RGSL1: variants seen among roughly 807,000 people sequenced by gnomAD.
RGSL1 encodes regulator of G protein signaling protein-like.
RGSL1 carries 97 observed loss-of-function variants against 124.7 expected under a neutral mutation model. The ratio of observed to expected loss-of-function variants is 0.78; its 90% CI spans 0.66 to 0.92. The LOEUF (loss-of-function observed/expected upper bound fraction) is 0.92, where lower values mean the gene tolerates loss of function less well. Among genes scored for constraint, RGSL1 ranks in the 40% least tolerant of loss-of-function variants. RGSL1 has a pLI of 0.00. For missense variants in RGSL1, 1,233 were observed against 1,288.4 expected, an observed-to-expected ratio of 0.96 and a Z score of 0.66; for synonymous variants, 424 against 438.1, an observed-to-expected ratio of 0.97 and a Z score of 0.40.
In RGSL1 at chr1:182,543,857, C is replaced by T. The variant is rs566878656; in HGVS notation, c.2669+3436C>T. Among the ~76,000 whole-genome samples the T allele has an allele frequency of 4.6e-5, 7 of 152,044 alleles. No individual in the cohort carries two copies. The East Asian group carries it at 1.3e-3, about 29-fold the overall frequency. On this transcript the variant is annotated intron_variant, in intron 15 of 21. Transcript: ENST00000294854. ...ATCATAATCTCTGATGACTATGTCT[C>T]TTTTTTGTTTCTGATTTTATTTATT...
chr1:182,454,004 C>A lies in RGSL1; in HGVS notation c.60C>A (p.Val20=), dbSNP rs1430172639. 2 of 1,536,874 alleles carry A rather than the reference C, an allele frequency of 1.3e-6. No individual in the cohort carries two copies. The highest frequency in any genetic ancestry group is 1.8e-6 in the Non-Finnish European group (2 of 1,133,640). ...TTATAATTCTGCTAGAGGATGAAGT[C>A]TTTGCCGATTTTTTCAACACATTTC... ...TNLIILLEDE[V]FADFFNTFLS... is the part of the protein sequence containing the mutation. The change falls in exon 2 of 22, where the codon GTC becomes GTA. Residue 20 remains valine (V), a synonymous_variant. Transcript: ENST00000294854.
intron 1 of RGSL1, 81 bp downstream of exon 1, chr1:182,450,259 A>G: frequency 1.3e-6 from 2 of 1,498,626 alleles, no homozygotes; most frequent in Non-Finnish European, 1.8e-6. Context: ...TTGTTAATAG[A>G]TCTGAGCCAT....
chr1:182,501,631 C>G (rs1656394009), intron 9 of RGSL1, among the ~76,000 whole-genome samples: 1 of 151,896 alleles, frequency 6.6e-6, no homozygotes, highest in East Asian at 1.9e-4. Flanking sequence ...GATGTGTAAC[C>G]TCCTTAATAT....
chr1:182,503,688 G>C (rs1050713014), intron 9 of RGSL1, among the ~76,000 whole-genome samples: 7 of 152,082 alleles, frequency 4.6e-5, no homozygotes, highest in Non-Finnish European at 8.8e-5. Context: ...CCTAGTATTT[G>C]ATAGCACAAC....
intron 9 of RGSL1, among the ~76,000 whole-genome samples, chr1:182,516,531 C>A (rs953574924): frequency 6.6e-6 from 1 of 152,058 alleles, no homozygotes; most frequent in Non-Finnish European, 1.5e-5. Context: ...TTTTTTCCTA[C>A]TGTCTTTCTT....
intron 8 of RGSL1, 191 bp from the exon 9 acceptor site, chr1:182,492,831 A>G: frequency 1.8e-6 from 1 of 554,310 alleles, no homozygotes; most frequent in South Asian, 2.2e-5. Flanking sequence ...GGGTTTCACC[A>G]TGTTAGTCAG....
Position 182,503,974 on chromosome 1 carries a change from C to CTTT in RGSL1, c.1825+10867_1825+10869dup, listed in dbSNP as rs71124902. ...TTTTATTTGGTCCCTTTTGTAATTT[C>CTTT]TTTTTTTTTTTTTTTTTTTTTTTTG... is the stretch of plus-strand genomic sequence containing the variant. On this transcript the variant is annotated intron_variant, in intron 9 of 21. Coordinates refer to ENST00000294854, the MANE Select transcript of RGSL1 (RefSeq NM_001137669.2). Among the ~76,000 whole-genome samples the CTTT allele has an allele frequency of 3.1e-3, 371 of 118,098 alleles. 4 individuals are homozygous for CTTT. Among genetic ancestry groups the CTTT allele is most frequent in the East Asian group, 8.0e-3 (31 of 3,898 alleles). The allele number at this position is 118,098 out of a possible 152,430, so 77.5% of individuals were successfully genotyped here.
chr1:182,479,624 T>C (rs1180069496), intron 6 of RGSL1, among the ~76,000 whole-genome samples: 3 of 152,080 alleles, frequency 2.0e-5, no homozygotes, highest in Non-Finnish European at 4.4e-5. Flanking sequence ...ATTAACAAAA[T>C]GGCAACAGTC....
chr1:182,464,583 G>C (rs1275517972), intron 4 of RGSL1, among the ~76,000 whole-genome samples: 1 of 151,856 alleles, frequency 6.6e-6, no homozygotes, highest in Admixed American at 6.6e-5. Context: ...AATTATCTAG[G>C]CATGTTGGCG....
intron 9 of RGSL1, chr1:182,507,353 C>G (rs548720289): frequency 6.6e-6 from 1 of 152,176 alleles, no homozygotes; most frequent in Non-Finnish European, 1.5e-5. Flanking sequence ...TATATTTATA[C>G]TCATTAATCA....
intron 10 of RGSL1, among the ~76,000 whole-genome samples, chr1:182,526,516 CAA>C: frequency 1.3e-5 from 2 of 150,966 alleles, no homozygotes; most frequent in Non-Finnish European, 3.0e-5. Context: ...AAAAAAAACA[CAA>C]ACATTATTAG....
intron 6 of RGSL1, among the ~76,000 whole-genome samples, chr1:182,482,659 T>G (rs777576614): frequency 1.3e-5 from 2 of 152,204 alleles, no homozygotes; most frequent in Non-Finnish European, 2.9e-5. Context: ...CAAATTTACA[T>G]TCCTGTTTGT....
At chr1:182,488,844 T>C (rs1571553178) in intron 7 of RGSL1, 136 bp from the exon 8 acceptor site, 17 of 648,170 alleles carry the variant, frequency 2.6e-5, no homozygotes, top group Non-Finnish European at 4.5e-5. Context: ...AAAGGAGCAA[T>C]GGTTCTTAAC....
At chr1:182,555,897 G>A in intron 20 of RGSL1, 127 bp from the exon 21 acceptor site, 1 of 774,616 alleles carries the variant, frequency 1.3e-6, no homozygotes, top group Non-Finnish European at 2.2e-6. Context: ...GCCCTATTCT[G>A]AAGCCTGAAG....
intron 20 of RGSL1, 31 bp downstream of exon 20, chr1:182,554,724 G>T: frequency 4.5e-6 from 7 of 1,547,084 alleles, no homozygotes; most frequent in Non-Finnish European, 5.2e-6. Context: ...CTCTTCTTCA[G>T]TCCAGAGCTG....
At chr1:182,488,234 C>A in intron 6 of RGSL1, 51 bp from the exon 7 acceptor site, 8 of 1,509,270 alleles carry the variant, frequency 5.3e-6, no homozygotes, top group Non-Finnish European at 7.2e-6. Context: ...AGGAAAGATG[C>A]AGCAAGCTGA....
intron 9 of RGSL1, among the ~76,000 whole-genome samples, chr1:182,512,624 C>T (rs1198336279): frequency 1.3e-5 from 2 of 152,166 alleles, no homozygotes; most frequent in Non-Finnish European, 2.9e-5. Flanking sequence ...TGTTTTAGCT[C>T]TACCATCCAC....
At chr1:182,460,903 G>C (rs1309345516) in intron 4 of RGSL1, 1 of 352,060 alleles carries the variant, frequency 2.8e-6, no homozygotes, top group Non-Finnish European at 5.6e-6. Context: ...ATGGCACACA[G>C]TTGTGCACAT....
At chr1:182,539,775 C>A (rs1400520184) in intron 14 of RGSL1, among the ~76,000 whole-genome samples, 1 of 152,204 alleles carries the variant, frequency 6.6e-6, no homozygotes, top group Non-Finnish European at 1.5e-5. Flanking sequence ...TCGTTAGTCT[C>A]TTCTGTACTC....
Sources: allele counts gnomAD v4.1 joint callset (sites outside exome capture counted in the v4.1 genomes callset), GRCh38; gene constraint gnomAD v4.1.1; transcripts MANE v1.5; gene names NCBI Gene and HGNC (gene_info 2026-07-23, HGNC 2026-07-21).